EXD1: variants seen among roughly 807,000 people sequenced by gnomAD.
EXD1 encodes the protein piRNA biogenesis protein EXD1.
In EXD1, 63 loss-of-function variants were observed where a neutral mutation model predicts 49.1. The ratio of observed to expected loss-of-function variants is 1.28; its 90% CI spans 1.05 to 1.58. EXD1 has a LOEUF of 1.58. Among genes scored for constraint, EXD1 ranks in the 40% most tolerant of loss-of-function variants. The probability of loss-of-function intolerance (pLI) is 0.00; values close to 1 mark genes in which losing one functional copy is unlikely to be tolerated. For synonymous variants in EXD1, 234 were observed against 239.2 expected (o/e 0.98, Z 0.20); for missense variants, 748 against 666.0 (o/e 1.12, Z -1.36).
chr15:41,205,650 T>C (rs553880514), intron 7 of EXD1, among the ~76,000 whole-genome samples: 3 of 146,634 alleles, frequency 2.0e-5, no homozygotes, highest in Non-Finnish European at 4.5e-5. Context: ...CGGTGGGATG[T>C]GCCTGTAGTC....
At chr15:41,195,752 A>G in intron 9 of EXD1, 23 bp downstream of exon 9, 1 of 1,602,156 alleles carries the variant, frequency 6.2e-7, no homozygotes, top group Non-Finnish European at 8.5e-7. Flanking sequence ...ACTGGTTTGA[A>G]TCCAGTGCTT....
chr15:41,229,551 C>T (rs749087408), intron 1 of EXD1, among the ~76,000 whole-genome samples: 29 of 152,214 alleles, frequency 1.9e-4, no homozygotes, highest in South Asian at 2.1e-4. Flanking sequence ...GGCAGATCAC[C>T]TGAGATACGG....
intron 2 of EXD1, among the ~76,000 whole-genome samples, chr15:41,222,829 G>C (rs1441929586): frequency 1.3e-5 from 2 of 150,466 alleles, no homozygotes. Context: ...CCAGCTACTC[G>C]GGAGGCTGAG....
intron 9 of EXD1, among the ~76,000 whole-genome samples, chr15:41,194,732 TG>T (rs2046583664): frequency 1.3e-5 from 2 of 152,264 alleles, no homozygotes; most frequent in Admixed American, 6.5e-5. Context: ...TGAACAGATA[TG>T]CCAAGGTCTT....
chr15:41,216,912 T>C (rs2047008657), intron 4 of EXD1, 117 bp from the exon 5 acceptor site: 2 of 1,459,926 alleles, frequency 1.4e-6, no homozygotes, highest in Admixed American at 2.0e-5. Context: ...AGAGGACCCA[T>C]TCATCCACTG....
rs947381751 is a variant in EXD1 at position 41,226,472 on chromosome 15, T to A, written c.104A>T (p.Asp35Val). 2 of 1,535,848 alleles carry A rather than the reference T, an allele frequency of 1.3e-6. No individual in the cohort carries two copies. The highest frequency in any genetic ancestry group is 2.7e-5 in the African/African-American group (2 of 72,998). The change falls in exon 2 of 12, where the codon GAC becomes GTC. Residue 35 changes from aspartate (D) to valine (V), a missense_variant. Transcript: ENST00000458580. ...GVFEGVLQHV[D>V]PNKIVVLKKV... ...CTTCAGGACAACAATCTTATTAGGG[T>A]CAACATGCTGAAGCACACCCTCGAA...
At position 41,226,515 on chromosome 15, in the gene EXD1, T is replaced by C; in HGVS notation, c.61A>G (p.Thr21Ala). The C allele has an allele frequency of 6.5e-7, 1 of 1,536,068 alleles. No homozygotes were observed. The change falls in exon 2 of 12, where the codon ACA (threonine) becomes GCA (alanine). Residue 21 changes from threonine to alanine, a missense_variant. Physicochemically the swap from Thr to Ala is moderately conservative, Grantham distance 58. Transcript: ENST00000458580. ...CCCTCGAAGACACCACAGACCAATG[T>C]GAGTTTCACCCTCTTCCACAAAATC... ...SQILWKRVKL[T>A]LVCGVFEGVL...
In EXD1 at chr15:41,210,329, A is replaced by G. The variant is rs574969305; in HGVS notation, c.448-742T>C. 5.3e-5 allele frequency among the ~76,000 whole-genome samples: 8 copies of G among 152,322 alleles called. No individual in the cohort carries two copies. The South Asian group carries it at 1.7e-3, about 32-fold the overall frequency. ...GTGGTGGCTAAGTCTCAGAGTATCC[A>G]CTGCTCAGAAAGACAGAAACAAGGA... On this transcript the variant is annotated intron_variant, in intron 6 of 11. Transcript: ENST00000458580.
At chr15:41,186,335 G>A (rs139907971) in intron 11 of EXD1, among the ~76,000 whole-genome samples, 12 of 151,972 alleles carry the variant, frequency 7.9e-5, no homozygotes, top group African/African-American at 2.2e-4. Context: ...AGCTGAGCAC[G>A]GTAGCACATG....
At chr15:41,207,318 G>A (rs532825979) in intron 7 of EXD1, among the ~76,000 whole-genome samples, 1 of 151,764 alleles carries the variant, frequency 6.6e-6, no homozygotes, top group African/African-American at 2.4e-5. Context: ...AAGGCGGGTG[G>A]ATCACCTGAG....
rs1289621595 is a variant in EXD1 at position 41,184,481 on chromosome 15, C to T, written c.1169G>A (p.Arg390Lys). The change falls in exon 12 of 12, where the codon AGG (arginine) becomes AAG (lysine). Residue 390 changes from arginine to lysine, a missense_variant. Arg to Lys is a conservative substitution (Grantham distance 26). Coordinates refer to ENST00000458580, the MANE Select transcript of EXD1 (RefSeq NM_001286441.2). ...YRVNAQGLLI[R>K]TVLQPKKLVT... Reference sequence around the variant, plus strand: ...TAATTTCTTTGGCTGTAGCACTGTCCTTATCAGGAGTCCCTGTGCATTCAC... The same window carrying T: ...TAATTTCTTTGGCTGTAGCACTGTCTTTATCAGGAGTCCCTGTGCATTCAC... 8.7e-6 allele frequency: 14 copies of T among 1,614,036 alleles called. No individual in the cohort carries two copies. The highest frequency in any genetic ancestry group is 1.2e-5 in the Non-Finnish European group (14 of 1,180,036).
At chr15:41,221,970 G>A (rs2047095380) in intron 2 of EXD1, among the ~76,000 whole-genome samples, 1 of 151,144 alleles carries the variant, frequency 6.6e-6, no homozygotes, top group Non-Finnish European at 1.5e-5. Flanking sequence ...CGCGGTGGCA[G>A]GTGCCTGTAA....
intron 10 of EXD1, among the ~76,000 whole-genome samples, chr15:41,191,215 C>G (rs1173682131): frequency 6.6e-6 from 1 of 152,114 alleles, no homozygotes; most frequent in Admixed American, 6.6e-5. Flanking sequence ...CGTGAGCCAC[C>G]GAGCCCGGCC....
rs369993026 is a variant in EXD1 at position 41,184,480 on chromosome 15, C to A, written c.1170G>T (p.Arg390Ser). The A allele has an allele frequency of 6.2e-7, 1 of 1,614,032 alleles. No individual in the cohort carries two copies. The highest frequency in any genetic ancestry group is 1.3e-5 in the African/African-American group (1 of 74,902). ...CTAATTTCTTTGGCTGTAGCACTGTCCTTATCAGGAGTCCCTGTGCATTCA... is the reference window on the plus strand; with the variant it reads ...CTAATTTCTTTGGCTGTAGCACTGTACTTATCAGGAGTCCCTGTGCATTCA... ...YRVNAQGLLI[R>S]TVLQPKKLVT... Residue 390 changes from arginine to serine, a missense_variant, in exon 12 of 12, where the codon AGG (arginine) becomes AGT (serine). By Grantham distance (110) the Arg-to-Ser change is moderately radical. Transcript: ENST00000458580.
At chr15:41,201,787 T>G (rs2046733073) in intron 7 of EXD1, among the ~76,000 whole-genome samples, 1 of 151,930 alleles carries the variant, frequency 6.6e-6, no homozygotes, top group South Asian at 2.1e-4. Flanking sequence ...CGTGCCCAGC[T>G]AAGATTGCTT....
chr15:41,205,110 T>C (rs2046801911), intron 7 of EXD1, among the ~76,000 whole-genome samples: 1 of 151,988 alleles, frequency 6.6e-6, no homozygotes, highest in South Asian at 2.1e-4. Flanking sequence ...TTCTGAAGGT[T>C]CTCATGTACG....
intron 3 of EXD1, among the ~76,000 whole-genome samples, chr15:41,218,391 G>A (rs1388187670): frequency 1.3e-5 from 2 of 151,154 alleles, no homozygotes; most frequent in Admixed American, 1.3e-4. Context: ...GGAGGATGAT[G>A]CAGGAGAATT....
intron 1 of EXD1, among the ~76,000 whole-genome samples, chr15:41,227,460 G>A (rs1465372877): frequency 5.3e-5 from 8 of 151,866 alleles, no homozygotes; most frequent in African/African-American, 1.9e-4. Context: ...ATCTGAGGTC[G>A]GGAGTTCCAG....
At chr15:41,197,497 G>A (rs1414091082) in intron 7 of EXD1, among the ~76,000 whole-genome samples, 2 of 151,248 alleles carry the variant, frequency 1.3e-5, no homozygotes, top group East Asian at 3.9e-4. Context: ...CCAAAGCGCT[G>A]GGATTACAGG....
Sources: gnomAD v4.1 joint callset for allele counts (sites outside exome capture counted in the v4.1 genomes callset) on GRCh38, gnomAD v4.1.1 for gene constraint, MANE v1.5 for transcripts, NCBI Gene and HGNC (gene_info 2026-07-23, HGNC 2026-07-21) for gene names.